Variants in ENTPD1 observed in about 807,000 individuals in gnomAD.
ENTPD1 encodes ectonucleoside triphosphate diphosphohydrolase 1, also known as ATP diphosphohydrolase.
In ENTPD1, 33 loss-of-function variants were observed where a neutral mutation model predicts 57.0. The observed-to-expected ratio is 0.58, with a 90% confidence interval of 0.44 to 0.77. The LOEUF (loss-of-function observed/expected upper bound fraction) is 0.77. ENTPD1 is among the 30% of genes least tolerant of loss of function. The pLI is 0.00. For missense variants in ENTPD1, 501 were observed against 603.4 expected (o/e 0.83, Z 1.78); for synonymous variants, 202 against 218.8 (o/e 0.92, Z 0.68).
Position 95,866,707 on chromosome 10 carries a change from G to C in ENTPD1, c.*324G>C. The C allele has an allele frequency of 8.4e-7, 1 of 1,185,730 alleles. No individual in the cohort carries two copies. The highest frequency in any genetic ancestry group is 1.7e-5 in the South Asian group (1 of 58,780). 73.5% of individuals were successfully genotyped at this position (1,185,730 alleles called of 1,614,324 possible). On this transcript the variant is annotated 3_prime_UTR_variant, in exon 10 of 10. Coordinates refer to ENST00000371205, the MANE Select transcript of ENTPD1 (RefSeq NM_001776.6). ...AAAAGAACAATATTGACTTTGTCTA[G>C]AAGAACTGAGAGTCTTGAGTCCTGT... is the stretch of plus-strand genomic sequence containing the variant.
chr10:95,780,318 C>G (rs1426652745), intron 1 of ENTPD1, among the ~76,000 whole-genome samples: 1 of 152,048 alleles, frequency 6.6e-6, no homozygotes, highest in East Asian at 1.9e-4. Flanking sequence ...ATATGTGGCC[C>G]TATAAATATG....
intron 1 of ENTPD1, among the ~76,000 whole-genome samples, chr10:95,758,026 A>AAAAAAAAAAAAAAAAAAAAAAT (rs1566110838): frequency 1.1e-5 from 1 of 88,618 alleles, no homozygotes; most frequent in African/African-American, 6.3e-5. Flanking sequence ...AAAAAAAAAA[A>AAAAAAAAAAAAAAAAAAAAAAT]AAAAGATTTG....
chr10:95,695,767 A>C, the ENTPD1 span, among the ~76,000 whole-genome samples: 3 of 152,230 alleles, frequency 2.0e-5, no homozygotes, highest in South Asian at 2.1e-4. Context: ...TTGTTCATTG[A>C]AATATCCCCA....
intron 1 of ENTPD1, chr10:95,756,487 A>G (rs1295377880): frequency 1.8e-6 from 1 of 559,370 alleles, no homozygotes; most frequent in Non-Finnish European, 3.2e-6. Flanking sequence ...GGAGGGGCTC[A>G]TGAATATTCA....
rs973727799 is a variant in ENTPD1 at position 95,866,231 on chromosome 10, A to G, written c.1381A>G (p.Met461Val). 6.2e-7 allele frequency: 1 copy of G among 1,614,122 alleles called. No homozygotes were observed. The highest frequency in any genetic ancestry group is 1.7e-5 in the Admixed American group (1 of 59,996). ...GGGCTACATGCTGAACCTGACCAAC[A>G]TGATCCCAGCTGAGCAACCATTGTC... ...TLGYMLNLTN[M>V]IPAEQPLSTP... Residue 461 changes from methionine (M) to valine (V), a missense_variant, in exon 10 of 10, where the codon ATG (methionine) becomes GTG (valine). Met to Val is a conservative substitution (Grantham distance 21, BLOSUM62 1). Coordinates refer to ENST00000371205, the MANE Select transcript of ENTPD1 (RefSeq NM_001776.6).
At chr10:95,725,406 C>G (rs1044954057) in intron 1 of ENTPD1, among the ~76,000 whole-genome samples, 1 of 152,070 alleles carries the variant, frequency 6.6e-6, no homozygotes, top group African/African-American at 2.4e-5. Flanking sequence ...CTTTGCATAT[C>G]TAGTGATTTT....
intron 1 of ENTPD1, among the ~76,000 whole-genome samples, chr10:95,819,309 A>G (rs1327124071): frequency 1.3e-5 from 2 of 152,100 alleles, no homozygotes; most frequent in Admixed American, 1.3e-4. Context: ...GACTACAGGC[A>G]TATGCCACCA....
intron 1 of ENTPD1, among the ~76,000 whole-genome samples, chr10:95,822,177 T>C (rs2098355151): frequency 6.6e-6 from 1 of 151,438 alleles, no homozygotes; most frequent in Non-Finnish European, 1.5e-5. Flanking sequence ...TTTTTGTATT[T>C]TCAGTAGAGA....
chr10:95,732,832 G>A (rs531003927), intron 1 of ENTPD1, among the ~76,000 whole-genome samples: 105 of 152,298 alleles, frequency 6.9e-4, no homozygotes, highest in African/African-American at 2.0e-3. Context: ...GGGAGGGAGT[G>A]TATGAATAGG....
chr10:95,766,555 A>T (rs2098089090), intron 1 of ENTPD1, among the ~76,000 whole-genome samples: 1 of 152,158 alleles, frequency 6.6e-6, no homozygotes, highest in South Asian at 2.1e-4. Flanking sequence ...ATGTTTTTGC[A>T]GTTCATATTT....
intron 1 of ENTPD1, among the ~76,000 whole-genome samples, chr10:95,768,728 CA>C (rs1337489907): frequency 6.6e-6 from 1 of 151,952 alleles, no homozygotes; most frequent in Non-Finnish European, 1.5e-5. Context: ...GTACAGAGTT[CA>C]AAAAAACAAA....
At chr10:95,779,330 C>T (rs7096248) in intron 1 of ENTPD1, among the ~76,000 whole-genome samples, 25,343 of 152,070 alleles carry the variant, frequency 0.17, 2,527 homozygotes, top group African/African-American at 0.27. Context: ...CCTGGTTCTG[C>T]CTACTTTATT....
chr10:95,740,523 A>G (rs772034903), intron 1 of ENTPD1, among the ~76,000 whole-genome samples: 12 of 152,178 alleles, frequency 7.9e-5, no homozygotes, highest in Non-Finnish European at 1.5e-4. Context: ...CTAACAAGAG[A>G]GTCATCCTCT....
At chr10:95,718,870 G>C (rs1026976308) in intron 1 of ENTPD1, among the ~76,000 whole-genome samples, 7 of 152,210 alleles carry the variant, frequency 4.6e-5, no homozygotes, top group Non-Finnish European at 1.0e-4. Context: ...ATAGGTTTGA[G>C]CAATCACCTG....
intron 2 of ENTPD1, chr10:95,833,475 G>A (rs960993316): frequency 2.6e-5 from 4 of 152,140 alleles, no homozygotes; most frequent in Non-Finnish European, 5.9e-5. Context: ...TATAAGCTTT[G>A]TTTATAAACC....
In ENTPD1 at chr10:95,869,905, G is replaced by A; in HGVS notation, c.*3522G>A. On this transcript the variant is annotated 3_prime_UTR_variant, in exon 10 of 10. Coordinates refer to ENST00000371205, the MANE Select transcript of ENTPD1 (RefSeq NM_001776.6). ...CAGCACATCTTAATTAGGACTAGCTGTGTGTTCACCTCACATGTGGCTTGT... is the reference window on the plus strand; with the variant it reads ...CAGCACATCTTAATTAGGACTAGCTATGTGTTCACCTCACATGTGGCTTGT... 1.1e-6 allele frequency: 1 copy of A among 917,646 alleles called. No individual in the cohort carries two copies. Among genetic ancestry groups the A allele is most frequent in the Non-Finnish European group, 1.3e-6 (1 of 768,350 alleles). 56.8% of individuals were successfully genotyped at this position (917,646 alleles called of 1,614,324 possible).
intron 1 of ENTPD1, 164 bp downstream of exon 1, chr10:95,756,419 G>T: frequency 1.2e-6 from 1 of 844,150 alleles, no homozygotes; most frequent in Admixed American, 2.8e-5. Flanking sequence ...AGAGCTTTGG[G>T]AAACTTTTTA....
intron 3 of ENTPD1, among the ~76,000 whole-genome samples, chr10:95,840,013 C>T (rs2098419229): frequency 6.6e-6 from 1 of 152,172 alleles, no homozygotes; most frequent in South Asian, 2.1e-4. Context: ...AATAAACACA[C>T]ATAAATATAA....
rs745566771 is a variant in ENTPD1, at chr10:95,845,973, AC to A, written c.813+378del. The A allele has an allele frequency of 4.2e-3, 889 of 212,798 alleles. 6 individuals are homozygous for A. Among genetic ancestry groups the A allele is most frequent in the Non-Finnish European group, 5.7e-3 (598 of 105,744 alleles). 13.2% of individuals were successfully genotyped at this position (212,798 alleles called of 1,614,324 possible). ...TCCCTTTCCTACAAACTACAAAAAA[AC>A]AGAGTTGTTAGAAATGACCTGGAGA... is the stretch of plus-strand genomic sequence containing the variant. On this transcript the variant is annotated intron_variant, in intron 6 of 9. Coordinates refer to ENST00000371205, the MANE Select transcript of ENTPD1 (RefSeq NM_001776.6).
Sources: allele counts gnomAD v4.1 joint callset (sites outside exome capture counted in the v4.1 genomes callset), GRCh38; gene constraint gnomAD v4.1.1; transcripts MANE v1.5; gene names NCBI Gene and HGNC (gene_info 2026-07-23, HGNC 2026-07-21).